Variants in RAB27A observed in about 807,000 individuals in gnomAD.
The protein encoded by RAB27A is ras-related protein Rab-27A.
RAB27A carries 17 observed loss-of-function variants against 20.8 expected under a neutral mutation model. The ratio of observed to expected loss-of-function variants is 0.82; its 90% CI spans 0.56 to 1.23. RAB27A has a LOEUF of 1.23. Ranked by LOEUF, RAB27A falls within the 50% of genes most tolerant of loss-of-function variation. The pLI is 0.00. For missense variants in RAB27A, 277 were observed against 266.7 expected (o/e 1.04, Z -0.27); for synonymous variants, 85 against 92.8 (o/e 0.92, Z 0.48).
chr15:55,265,370 A>G (rs1400224552), intron 2 of RAB27A, among the ~76,000 whole-genome samples: 1 of 152,180 alleles, frequency 6.6e-6, no homozygotes, highest in Non-Finnish European at 1.5e-5. Context: ...GGGAATCAGA[A>G]AAACTTCACA....
intron 1 of RAB27A, chr15:55,317,386 C>G (rs1377287971): frequency 4.7e-6 from 1 of 212,114 alleles, no homozygotes; most frequent in Non-Finnish European, 9.3e-6. Context: ...GTGATCTTGA[C>G]TCACTGCCAC....
chr15:55,287,189 C>T (rs1344379012), intron 1 of RAB27A, among the ~76,000 whole-genome samples: 1 of 151,656 alleles, frequency 6.6e-6, no homozygotes, highest in African/African-American at 2.4e-5. Flanking sequence ...CAAAGTGCTG[C>T]GATTACAGGC....
chr15:55,209,551 A>G (rs888692677), intron 6 of RAB27A, among the ~76,000 whole-genome samples: 2 of 152,064 alleles, frequency 1.3e-5, no homozygotes, highest in African/African-American at 4.8e-5. Flanking sequence ...TGATGGGTAG[A>G]TTGATTGCAT....
At chr15:55,310,323 TG>T (rs1461607797) in intron 2 of RAB27A, among the ~76,000 whole-genome samples, 1 of 151,986 alleles carries the variant, frequency 6.6e-6, no homozygotes, top group Middle Eastern at 3.2e-3. Flanking sequence ...TGGCCCTCAA[TG>T]GTCAAGCACA....
At chr15:55,309,092 G>A (rs571546138) in intron 2 of RAB27A, among the ~76,000 whole-genome samples, 63 of 152,270 alleles carry the variant, frequency 4.1e-4, no homozygotes, top group African/African-American at 1.4e-3. Flanking sequence ...CTGGAAAGCC[G>A]CTTCTGCTTC....
chr15:55,206,981 C>T (rs1047744700), intron 6 of RAB27A, among the ~76,000 whole-genome samples: 67 of 152,068 alleles, frequency 4.4e-4, no homozygotes, highest in African/African-American at 1.6e-3. Flanking sequence ...AAGTAATAAA[C>T]AAGATAATAC....
At chr15:55,260,865 T>C (rs573988954) in intron 2 of RAB27A, among the ~76,000 whole-genome samples, 8 of 152,344 alleles carry the variant, frequency 5.3e-5, no homozygotes, top group South Asian at 2.1e-4. Context: ...GATGTCATTA[T>C]ACATTTGTAT....
chr15:55,292,238 C>T (rs1000189730), upstream of RAB27A, among the ~76,000 whole-genome samples: 4 of 152,176 alleles, frequency 2.6e-5, no homozygotes, highest in Non-Finnish European at 4.4e-5. Context: ...TTGACTACAT[C>T]ACCTCATACG....
intron 2 of RAB27A, among the ~76,000 whole-genome samples, chr15:55,257,025 T>A (rs980640756): frequency 6.6e-6 from 1 of 152,112 alleles, no homozygotes; most frequent in Admixed American, 6.6e-5. Flanking sequence ...TTTAAAATAA[T>A]AGAACAGAGT....
At chr15:55,210,956 G>A (rs1894998440) in intron 6 of RAB27A, among the ~76,000 whole-genome samples, 1 of 152,070 alleles carries the variant, frequency 6.6e-6, no homozygotes, top group South Asian at 2.1e-4. Flanking sequence ...TGAGAGATAG[G>A]GGTCTAGTTA....
upstream of RAB27A, among the ~76,000 whole-genome samples, chr15:55,291,373 C>G (rs982081572): frequency 2.8e-4 from 42 of 151,984 alleles, no homozygotes; most frequent in African/African-American, 9.6e-4. Context: ...AGCAGGGCGT[C>G]GTGGCACGCG....
intron 2 of RAB27A, chr15:55,237,242 T>A (rs747958203): frequency 6.6e-6 from 1 of 152,158 alleles, no homozygotes; most frequent in Non-Finnish European, 1.5e-5. Flanking sequence ...ATAAAATTAA[T>A]AAAAACTCAG....
At chr15:55,233,393 T>A (rs1896123936) in intron 3 of RAB27A, among the ~76,000 whole-genome samples, 1 of 151,992 alleles carries the variant, frequency 6.6e-6, no homozygotes, top group Non-Finnish European at 1.5e-5. Context: ...AAAAAGGGAA[T>A]TAAAATGATG....
intron 6 of RAB27A, among the ~76,000 whole-genome samples, chr15:55,212,532 C>CTTTTTT (rs59221045): frequency 1.2e-4 from 16 of 134,038 alleles, no homozygotes; most frequent in African/African-American, 3.5e-4. Context: ...AGCAACAAAT[C>CTTTTTT]TTTTTTTTTT....
chr15:55,297,424 T>G (rs559207515), intron 2 of RAB27A, among the ~76,000 whole-genome samples: 1 of 152,382 alleles, frequency 6.6e-6, no homozygotes, highest in Admixed American at 6.5e-5. Flanking sequence ...CTAGCTCCAA[T>G]TTGTCTGGGT....
chr15:55,228,550 G>C, intron 5 of RAB27A, 59 bp downstream of exon 5: 3 of 1,245,430 alleles, frequency 2.4e-6, no homozygotes, highest in Non-Finnish European at 3.6e-6. Context: ...AGCATAAGAG[G>C]GCATTCTATA....
intron 5 of RAB27A, among the ~76,000 whole-genome samples, chr15:55,226,044 TAAAG>T (rs888804665): frequency 5.9e-5 from 9 of 152,048 alleles, no homozygotes; most frequent in African/African-American, 2.2e-4. Flanking sequence ...GAATAAAAAA[TAAAG>T]AAGTAAAAAT....
upstream of RAB27A, among the ~76,000 whole-genome samples, chr15:55,292,659 G>A (rs945671059): frequency 6.6e-6 from 1 of 152,174 alleles, no homozygotes; most frequent in African/African-American, 2.4e-5. Flanking sequence ...CAGGAGGAAG[G>A]GTGAAATAGG....
At chr15:55,301,788 G>C (rs1317761140) in intron 2 of RAB27A, among the ~76,000 whole-genome samples, 1 of 151,724 alleles carries the variant, frequency 6.6e-6, no homozygotes, top group South Asian at 2.1e-4. Context: ...TGGGACTACA[G>C]GCGTGTGCCA....
Sources: gnomAD v4.1 joint callset for allele counts (sites outside exome capture counted in the v4.1 genomes callset) on GRCh38, gnomAD v4.1.1 for gene constraint, MANE v1.5 for transcripts, NCBI Gene and HGNC (gene_info 2026-07-23, HGNC 2026-07-21) for gene names.